The following SPATA13 variants were observed in gnomAD, a reference collection of about 807,000 sequenced individuals.
The protein encoded by SPATA13 is spermatogenesis-associated protein 13.
A neutral mutation model predicts 104.0 loss-of-function variants in SPATA13; 50 were observed. The ratio of observed to expected loss-of-function variants is 0.48; its 90% confidence interval spans 0.38 to 0.61. The LOEUF (loss-of-function observed/expected upper bound fraction) is 0.61. Ranked by LOEUF, SPATA13 falls within the 20% of genes least tolerant of loss-of-function variation. The pLI is 0.00. For synonymous variants in SPATA13, 606 were observed against 667.5 expected, an observed-to-expected ratio of 0.91 and a Z score of 1.42; for missense variants, 1,524 against 1,690.6, an observed-to-expected ratio of 0.90 and a Z score of 1.73.
rs920935931 is a variant in SPATA13 at position 23,981,658 on chromosome 13, G to T, written c.-354+1734G>T. On this transcript the variant is annotated intron_variant, in intron 1 of 14. Transcript: ENST00000424834. ...TTGTGGGTTTTGCTCTTTCAAGGCA[G>T]GCATTTTTGGACCCATTTAAAATAG... Among the ~76,000 whole-genome samples, 3 of 152,154 alleles carry T rather than the reference G, an allele frequency of 2.0e-5. No homozygotes were observed. The East Asian group carries it at 5.8e-4, about 29-fold the overall frequency.
At chr13:24,073,426 A>G (rs919260737) in intron 3 of SPATA13, among the ~76,000 whole-genome samples, 4 of 152,202 alleles carry the variant, frequency 2.6e-5, no homozygotes, top group South Asian at 2.1e-4. Context: ...GTCTATACCT[A>G]TCTGTCATAT....
intron 3 of SPATA13, among the ~76,000 whole-genome samples, chr13:24,108,005 T>G (rs566601075): frequency 1.3e-4 from 20 of 152,358 alleles, no homozygotes; most frequent in Admixed American, 9.8e-4. Flanking sequence ...ATTTCTCAGT[T>G]CTGGAGTCTG....
intron 3 of SPATA13, among the ~76,000 whole-genome samples, chr13:24,066,070 TC>T (rs990129920): frequency 2.0e-4 from 31 of 152,224 alleles, no homozygotes; most frequent in Admixed American, 1.3e-4. Flanking sequence ...ACAAATATAA[TC>T]TATTACCATT....
intron 1 of SPATA13, among the ~76,000 whole-genome samples, chr13:24,168,197 G>T (rs942852986): frequency 1.3e-5 from 2 of 152,204 alleles, no homozygotes; most frequent in Non-Finnish European, 2.9e-5. Flanking sequence ...ACCCAGGACT[G>T]TAAGACTTGA....
In SPATA13 at chr13:24,223,450, G is replaced by A. The variant is rs1276630873; in HGVS notation, c.521G>A (p.Arg174Lys). The A allele has an allele frequency of 8.4e-6, 13 of 1,550,592 alleles. No homozygotes were observed. The Admixed American group carries it at 2.4e-4, about 28-fold the overall frequency. Reference protein sequence around the residue: ...LAPGPACGALRPAEWGTLDGS... With the variant: ...LAPGPACGALKPAEWGTLDGS... ...CCGGGACCAGCATGTGGTGCCCTCA[G>A]GCCAGCAGAGTGGGGCACATTGGAT... Residue 174 changes from arginine (R) to lysine (K), a missense_variant, in exon 2 of 13, where the codon AGG becomes AAG. Arg to Lys is a conservative substitution (Grantham distance 26, BLOSUM62 2). Transcript: ENST00000382108.
intron 3 of SPATA13, among the ~76,000 whole-genome samples, chr13:24,041,433 A>G (rs538981176): frequency 6.6e-6 from 1 of 152,378 alleles, no homozygotes; most frequent in South Asian, 2.1e-4. Flanking sequence ...ACTCAGAATC[A>G]GAATCTCACA....
chr13:24,004,702 A>G (rs1201388588), intron 2 of SPATA13, among the ~76,000 whole-genome samples: 2 of 152,268 alleles, frequency 1.3e-5, no homozygotes, highest in Middle Eastern at 3.4e-3. Context: ...AGGGCTGAAA[A>G]TTTACATTCC....
Position 24,223,316 on chromosome 13 carries a change from G to C in SPATA13, c.387G>C (p.Glu129Asp). The change falls in exon 2 of 13, where the codon GAG becomes GAC. Residue 129 changes from glutamate to aspartate, a missense_variant. Around this residue, in one of 2 missense-constraint regions of SPATA13, gnomAD observed 1,089 missense variants for 1,135.9 expected, o/e 0.96. Coordinates refer to ENST00000382108, the MANE Select transcript of SPATA13 (RefSeq NM_001166271.3). ...SSVLKGIQSR[E>D]GSNACSKGEA... ...TCCTGAAAGGAATTCAGAGCCGAGA[G>C]GGGTCAAATGCCTGTTCAAAGGGAG... 3.9e-6 allele frequency: 6 copies of C among 1,551,500 alleles called. No individual in the cohort carries two copies. Among genetic ancestry groups the C allele is most frequent in the Non-Finnish European group, 5.2e-6 (6 of 1,146,990 alleles).
intron 3 of SPATA13, among the ~76,000 whole-genome samples, chr13:24,117,366 A>G (rs142786986): frequency 9.9e-5 from 15 of 152,258 alleles, no homozygotes; most frequent in African/African-American, 3.6e-4. Flanking sequence ...TCTGTAACCT[A>G]GTTATCCTTG....
chr13:24,289,235 A>C (rs912419753), intron 8 of SPATA13, 57 bp downstream of exon 8: 2 of 1,411,372 alleles, frequency 1.4e-6, no homozygotes, highest in African/African-American at 2.9e-5. Context: ...TTTGAAGTGC[A>C]TCTCCACAGA....
chr13:24,113,249 A>C (rs760362289), intron 3 of SPATA13, among the ~76,000 whole-genome samples: 3 of 152,260 alleles, frequency 2.0e-5, no homozygotes, highest in Non-Finnish European at 2.9e-5. Context: ...GGCAAAAGTT[A>C]CTTTGGTTCA....
chr13:24,081,214 A>G (rs542482451), intron 3 of SPATA13, among the ~76,000 whole-genome samples: 1 of 152,338 alleles, frequency 6.6e-6, no homozygotes, highest in Admixed American at 6.5e-5. Context: ...TGTCCAAGTC[A>G]TGCATGAGAG....
rs1321090086 is a variant in SPATA13, at chr13:24,074,048, A to G, written c.-112+56347A>G. On this transcript the variant is annotated intron_variant, in intron 3 of 14. Coordinates refer to the SPATA13 transcript ENST00000424834. ...AAAATTTGTGGTAAGATGCACATACATTTTCGATCTTAATTATTTTTAAGC... is the reference window on the plus strand; with the variant it reads ...AAAATTTGTGGTAAGATGCACATACGTTTTCGATCTTAATTATTTTTAAGC... Among the ~76,000 whole-genome samples, 3 of 152,220 alleles carry G rather than the reference A, an allele frequency of 2.0e-5. No homozygotes were observed. The South Asian group carries it at 6.2e-4, about 32-fold the overall frequency.
Position 24,180,902 on chromosome 13 carries a change from A to G in SPATA13, c.-112+19970A>G, listed in dbSNP as rs1303674171. Among the ~76,000 whole-genome samples, 4 of 152,300 alleles carry G rather than the reference A, an allele frequency of 2.6e-5. No homozygotes were observed. The East Asian group carries it at 5.8e-4, about 22-fold the overall frequency. On this transcript the variant is annotated intron_variant, in intron 1 of 12. Transcript: ENST00000382108. ...TTCATCTCTGTGCGAACATTGTCAG[A>G]GTGTACTTACACAAAGCTAGATGGT...
At chr13:24,197,996 T>G (rs12876136) in intron 1 of SPATA13, among the ~76,000 whole-genome samples, 12,608 of 145,856 alleles carry the variant, frequency 0.086, 612 homozygotes, top group East Asian at 0.22. Flanking sequence ...TACCTCGTGT[T>G]TGTTTGTTTG....
chr13:24,167,945 C>A (rs531736995), intron 1 of SPATA13, among the ~76,000 whole-genome samples: 8 of 152,274 alleles, frequency 5.3e-5, no homozygotes, highest in African/African-American at 1.9e-4. Flanking sequence ...GAGACATAAA[C>A]ATGTTTCTCT....
At chr13:24,295,053 C>T (rs1189709433) in intron 10 of SPATA13, among the ~76,000 whole-genome samples, 185 bp downstream of exon 10, 6 of 152,154 alleles carry the variant, frequency 3.9e-5, no homozygotes, top group East Asian at 1.9e-4. Flanking sequence ...CTACTTTATA[C>T]CCCACTCCCA....
At chr13:24,218,273 C>T (rs973091808) in intron 1 of SPATA13, among the ~76,000 whole-genome samples, 9 of 152,250 alleles carry the variant, frequency 5.9e-5, no homozygotes, top group East Asian at 5.8e-4. Flanking sequence ...GCCACCATGC[C>T]GACAAAGGGC....
Position 24,224,413 on chromosome 13 carries a change from C to A in SPATA13, c.1484C>A (p.Ser495Tyr). Reference protein sequence around the residue: ...ASCHSNHSALSANSEESEGRA... With the variant: ...ASCHSNHSALYANSEESEGRA... ...TGTCACAGCAATCACAGTGCCCTGT[C>A]CGCGAATTCAGAGGAAAGTGAAGGA... is the stretch of plus-strand genomic sequence containing the variant. Residue 495 changes from serine to tyrosine, a missense_variant, in exon 2 of 13, where the codon TCC becomes TAC. Physicochemically the swap from Ser to Tyr is moderately radical, Grantham distance 144. Coordinates refer to ENST00000382108, the MANE Select transcript of SPATA13 (RefSeq NM_001166271.3). 1 of 1,551,704 alleles carries A rather than the reference C, an allele frequency of 6.4e-7. No homozygotes were observed. Among genetic ancestry groups the A allele is most frequent in the South Asian group, 1.2e-5 (1 of 84,064 alleles).
Sources: allele counts gnomAD v4.1 joint callset (sites outside exome capture counted in the v4.1 genomes callset), GRCh38; gene constraint gnomAD v4.1.1; regional missense constraint gnomAD v4.1.1; transcripts MANE v1.5; gene names NCBI Gene and HGNC (gene_info 2026-07-23, HGNC 2026-07-21).